EPHA6: variants seen among roughly 807,000 people sequenced by gnomAD.
EPHA6 encodes the protein EPH receptor A6.
EPHA6 carries 50 observed loss-of-function variants against 112.0 expected under a neutral mutation model. The ratio of observed to expected loss-of-function variants is 0.45; its 90% CI spans 0.36 to 0.56. The LOEUF is 0.56. Among genes scored for constraint, EPHA6 ranks in the 20% least tolerant of loss-of-function variants. The pLI is 0.00. For missense variants in EPHA6, 1,280 were observed against 1,417.4 expected, an observed-to-expected ratio of 0.90 and a Z score of 1.56; for synonymous variants, 529 against 490.7, an observed-to-expected ratio of 1.08 and a Z score of -1.03.
chr3:97,651,782 C>G (rs1321862684), intron 14 of EPHA6, among the ~76,000 whole-genome samples: 3 of 151,876 alleles, frequency 2.0e-5, no homozygotes, highest in Admixed American at 6.6e-5. Context: ...TGTCATTGGC[C>G]CATCTTGCTT....
intron 3 of EPHA6, among the ~76,000 whole-genome samples, chr3:97,031,519 A>G (rs1371700126): frequency 6.6e-6 from 1 of 151,982 alleles, no homozygotes; most frequent in Non-Finnish European, 1.5e-5. Context: ...AAGTTACAGA[A>G]TGGGAGAAAA....
intron 6 of EPHA6, among the ~76,000 whole-genome samples, chr3:97,440,377 TG>T (rs2090074235): frequency 6.6e-6 from 1 of 152,042 alleles, no homozygotes; most frequent in South Asian, 2.1e-4. Context: ...CTAAAGAGTT[TG>T]ATTTCCTCAA....
chr3:97,487,206 C>T (rs189953727), intron 10 of EPHA6, among the ~76,000 whole-genome samples: 3 of 152,316 alleles, frequency 2.0e-5, no homozygotes, highest in Non-Finnish European at 1.5e-5. Context: ...GAAAAATGTA[C>T]GAGACCTCTG....
At chr3:97,464,475 T>C (rs1305127552) in intron 7 of EPHA6, among the ~76,000 whole-genome samples, 1 of 152,114 alleles carries the variant, frequency 6.6e-6, no homozygotes, top group Non-Finnish European at 1.5e-5. Context: ...ACTATAAATG[T>C]TGAGAAGCCC....
chr3:97,113,535 G>T (rs2047787168), intron 3 of EPHA6, among the ~76,000 whole-genome samples: 1 of 152,046 alleles, frequency 6.6e-6, no homozygotes, highest in Non-Finnish European at 1.5e-5. Context: ...CAAGGGCAAG[G>T]CCTAAGGAAA....
At chr3:97,024,561 T>C (rs2044570187) in intron 3 of EPHA6, among the ~76,000 whole-genome samples, 1 of 152,212 alleles carries the variant, frequency 6.6e-6, no homozygotes, top group Non-Finnish European at 1.5e-5. Context: ...GTTGTTTACT[T>C]TATTCTTTGA....
At chr3:97,665,008 C>T (rs1267342304) in intron 14 of EPHA6, among the ~76,000 whole-genome samples, 2 of 152,096 alleles carry the variant, frequency 1.3e-5, no homozygotes, top group African/African-American at 4.8e-5. Context: ...CCTGCATTGC[C>T]AAGTCAATCC....
chr3:97,341,761 A>G (rs2083316871), intron 5 of EPHA6, among the ~76,000 whole-genome samples: 2 of 152,176 alleles, frequency 1.3e-5, no homozygotes, highest in Admixed American at 1.3e-4. Flanking sequence ...TTGGTGATAC[A>G]GTAGTTAAGG....
At chr3:97,229,375 A>T (rs950683427) in intron 4 of EPHA6, among the ~76,000 whole-genome samples, 5 of 152,150 alleles carry the variant, frequency 3.3e-5, no homozygotes, top group African/African-American at 1.2e-4. Context: ...TCTTTGATCT[A>T]TATTGATTTG....
intron 3 of EPHA6, among the ~76,000 whole-genome samples, chr3:97,194,496 A>G (rs2077389309): frequency 1.3e-5 from 2 of 151,996 alleles, no homozygotes; most frequent in Admixed American, 6.6e-5. Context: ...CATATGGTCT[A>G]TCCTTGAGAA....
intron 3 of EPHA6, among the ~76,000 whole-genome samples, chr3:97,019,309 ATCT>A (rs1366905730): frequency 3.9e-5 from 6 of 152,036 alleles, no homozygotes; most frequent in Non-Finnish European, 8.8e-5. Context: ...GACTTTTCTA[ATCT>A]TCTGGGTGCT....
At chr3:97,202,843 G>A (rs567645082) in intron 3 of EPHA6, among the ~76,000 whole-genome samples, 82 of 152,224 alleles carry the variant, frequency 5.4e-4, no homozygotes, top group African/African-American at 1.8e-3. Flanking sequence ...GCAGTAAAAA[G>A]TAAAGTAAAC....
At chr3:97,251,061 T>A (rs1037118826) in intron 5 of EPHA6, among the ~76,000 whole-genome samples, 5 of 151,348 alleles carry the variant, frequency 3.3e-5, no homozygotes, top group Admixed American at 3.3e-4. Context: ...AGAGACAGGG[T>A]TTCACCATGT....
chr3:97,114,198 C>A (rs1014700529), intron 3 of EPHA6, among the ~76,000 whole-genome samples: 1 of 152,048 alleles, frequency 6.6e-6, no homozygotes, highest in African/African-American at 2.4e-5. Flanking sequence ...AAATGCTAAC[C>A]ACATTTAGGA....
chr3:97,280,292 A>G (rs893494695), intron 5 of EPHA6, among the ~76,000 whole-genome samples: 1 of 152,274 alleles, frequency 6.6e-6, no homozygotes, highest in African/African-American at 2.4e-5. Flanking sequence ...TGTTCTCCTT[A>G]AATGATTGTT....
chr3:97,682,014 T>C (rs189049537), intron 14 of EPHA6, among the ~76,000 whole-genome samples: 104 of 152,238 alleles, frequency 6.8e-4, no homozygotes, highest in African/African-American at 2.4e-3. Flanking sequence ...GCTTAATATT[T>C]ATATGCCAAG....
At chr3:97,620,501 C>T (rs2093805100) in intron 13 of EPHA6, among the ~76,000 whole-genome samples, 1 of 151,766 alleles carries the variant, frequency 6.6e-6, no homozygotes, top group African/African-American at 2.4e-5. Flanking sequence ...TGGGAGAAAA[C>T]TTCTGCAAAC....
intron 5 of EPHA6, among the ~76,000 whole-genome samples, chr3:97,352,774 G>A (rs150682045): frequency 2.0e-5 from 3 of 152,258 alleles, no homozygotes; most frequent in Non-Finnish European, 2.9e-5. Flanking sequence ...AGGAGCCAGT[G>A]GACTTGGAGT....
At chr3:97,653,968 T>C (rs1041156982) in intron 14 of EPHA6, among the ~76,000 whole-genome samples, 2 of 151,914 alleles carry the variant, frequency 1.3e-5, no homozygotes, top group Admixed American at 6.6e-5. Flanking sequence ...GAATGGTTGT[T>C]ACCAAGAGCT....
Sources: allele counts gnomAD v4.1 joint callset (sites outside exome capture counted in the v4.1 genomes callset), GRCh38; gene constraint gnomAD v4.1.1; transcripts MANE v1.5; gene names NCBI Gene and HGNC (gene_info 2026-07-23, HGNC 2026-07-21).